PHKB: variants seen among roughly 807,000 people sequenced by gnomAD.
PHKB encodes the protein phosphorylase b kinase regulatory subunit beta.
Under a neutral mutation model 152.1 loss-of-function variants are expected in PHKB, and 122 were observed. The observed-to-expected ratio is 0.80, with a 90% CI of 0.69 to 0.93. PHKB has a LOEUF of 0.93. Ranked by LOEUF, PHKB falls within the 40% of genes least tolerant of loss-of-function variation. The pLI, the probability that PHKB is intolerant of heterozygous loss-of-function variation, is 0.00. For synonymous variants in PHKB, 436 were observed against 464.9 expected (o/e 0.94, Z 0.80); for missense variants, 1,304 against 1,328.4 (o/e 0.98, Z 0.29).
At chr16:47,603,484 TG>T (rs1972269670) in intron 13 of PHKB, among the ~76,000 whole-genome samples, 2 of 152,002 alleles carry the variant, frequency 1.3e-5, no homozygotes, top group African/African-American at 4.8e-5. Flanking sequence ...TTTAGCTTTA[TG>T]TATAAATAAC....
intron 7 of PHKB, among the ~76,000 whole-genome samples, chr16:47,573,061 T>C (rs1401849266): frequency 1.3e-5 from 2 of 152,144 alleles, no homozygotes. Context: ...CTTCAACCCT[T>C]GTGTCTTCTC....
chr16:47,553,001 A>G (rs1971301282), intron 7 of PHKB, among the ~76,000 whole-genome samples: 1 of 152,078 alleles, frequency 6.6e-6, no homozygotes, highest in Non-Finnish European at 1.5e-5. Flanking sequence ...TGAGTCTGAC[A>G]ATTATGTGTC....
chr16:47,579,197 G>A (rs1971800525), intron 7 of PHKB, among the ~76,000 whole-genome samples: 1 of 152,108 alleles, frequency 6.6e-6, no homozygotes, highest in Non-Finnish European at 1.5e-5. Flanking sequence ...TCCCATCCAT[G>A]TATCTTTAAA....
intron 9 of PHKB, 41 bp from the exon 10 acceptor site, chr16:47,588,864 C>T (rs757340361): frequency 2.6e-6 from 4 of 1,523,628 alleles, no homozygotes; most frequent in South Asian, 1.1e-5. Context: ...TTGATCACAT[C>T]GCTGTGGACA....
chr16:47,656,610 T>C (rs1373526336), intron 20 of PHKB, among the ~76,000 whole-genome samples: 1 of 152,232 alleles, frequency 6.6e-6, no homozygotes, highest in Non-Finnish European at 1.5e-5. Flanking sequence ...ATTCACTTTG[T>C]TGTGCAAACA....
chr16:47,567,305 A>G (rs1425317610), intron 7 of PHKB, among the ~76,000 whole-genome samples: 1 of 150,510 alleles, frequency 6.6e-6, no homozygotes, highest in Non-Finnish European at 1.5e-5. Flanking sequence ...CTTCGCAACT[A>G]TTGTAAATGG....
At chr16:47,511,587 T>A in intron 4 of PHKB, 78 bp from the exon 5 acceptor site, 4 of 1,072,340 alleles carry the variant, frequency 3.7e-6, no homozygotes, top group Non-Finnish European at 5.8e-6. Flanking sequence ...AAAAGTTTCA[T>A]GAAAAATAGC....
intron 14 of PHKB, 49 bp from the exon 15 acceptor site, chr16:47,640,986 T>A (rs1567337815): frequency 1.3e-6 from 2 of 1,491,998 alleles, no homozygotes; most frequent in South Asian, 1.1e-5. Flanking sequence ...TAGCTGATGA[T>A]GACCAGATCT....
chr16:47,465,539 G>A (rs368863890), intron 1 of PHKB, among the ~76,000 whole-genome samples: 4 of 152,076 alleles, frequency 2.6e-5, no homozygotes, highest in Admixed American at 1.3e-4. Context: ...GTTATAATCC[G>A]TTTTGAAGAA....
intron 4 of PHKB, among the ~76,000 whole-genome samples, chr16:47,508,685 GATTT>G (rs1204883129): frequency 6.6e-6 from 1 of 152,050 alleles, no homozygotes; most frequent in Non-Finnish European, 1.5e-5. Context: ...CATTATTCTA[GATTT>G]ATTTTAGTCT....
chr16:47,625,857 A>T (rs1479994492), intron 14 of PHKB, among the ~76,000 whole-genome samples: 1 of 152,166 alleles, frequency 6.6e-6, no homozygotes, highest in Admixed American at 6.5e-5. Flanking sequence ...CAGCTCAGAT[A>T]CCTTTTCTAT....
At chr16:47,593,122 GGA>G (rs1013175169) in intron 10 of PHKB, among the ~76,000 whole-genome samples, 7 of 146,474 alleles carry the variant, frequency 4.8e-5, no homozygotes, top group East Asian at 2.0e-4. Context: ...GGGGGGGGAG[GGA>G]GAGAGAGAGA....
chr16:47,511,201 G>A (rs1017765665), intron 4 of PHKB, among the ~76,000 whole-genome samples: 1 of 152,130 alleles, frequency 6.6e-6, no homozygotes, highest in Non-Finnish European at 1.5e-5. Flanking sequence ...ATTAAAATTT[G>A]CGACCCTTAG....
In PHKB at chr16:47,676,382, T is replaced by C. The variant is rs139268971; in HGVS notation, c.2630+6965T>C. The C allele has an allele frequency of 3.8e-4, 58 of 152,294 alleles. 1 individual carries two copies. The East Asian group carries it at 0.011, about 28-fold the overall frequency. The allele number at this position is 152,294 out of a possible 1,614,324, so 9.4% of individuals were successfully genotyped here. A position where few individuals can be genotyped will look rare whatever the true frequency, so the allele number is the denominator to read the frequency against. On this transcript the variant is annotated intron_variant, in intron 26 of 30. Coordinates refer to ENST00000323584, the MANE Select transcript of PHKB (RefSeq NM_000293.3). ...ATTGTTTCTCTCTTTTAAATGTTAA[T>C]TATGATTAAAGAGATTGATTGATTG...
chr16:47,492,254 A>G (rs925342183), intron 1 of PHKB, among the ~76,000 whole-genome samples: 1 of 152,244 alleles, frequency 6.6e-6, no homozygotes, highest in Admixed American at 6.5e-5. Flanking sequence ...GGAAAGATGG[A>G]CAAAGTACAC....
At chr16:47,678,673 C>T (rs1050889079) in intron 26 of PHKB, among the ~76,000 whole-genome samples, 19 of 151,704 alleles carry the variant, frequency 1.3e-4, no homozygotes, top group South Asian at 2.1e-4. Context: ...GATATTAGCC[C>T]TTTGTCAGAT....
At chr16:47,496,939 G>A (rs536577893) in intron 1 of PHKB, among the ~76,000 whole-genome samples, 12 of 152,204 alleles carry the variant, frequency 7.9e-5, no homozygotes, top group Non-Finnish European at 1.6e-4. Context: ...TGGCTTTGGA[G>A]TATGTGAACA....
At chr16:47,539,828 G>A (rs887932883) in intron 6 of PHKB, among the ~76,000 whole-genome samples, 1 of 152,086 alleles carries the variant, frequency 6.6e-6, no homozygotes, top group African/African-American at 2.4e-5. Context: ...GTAAGCTGAG[G>A]ACGTATGTCA....
intron 6 of PHKB, among the ~76,000 whole-genome samples, chr16:47,535,765 A>G (rs1279417307): frequency 6.6e-6 from 1 of 152,246 alleles, no homozygotes; most frequent in East Asian, 1.9e-4. Flanking sequence ...CTGTTTTGAA[A>G]GTATTTCAGA....
Sources: gnomAD v4.1 joint callset for allele counts (sites outside exome capture counted in the v4.1 genomes callset) on GRCh38, gnomAD v4.1.1 for gene constraint, MANE v1.5 for transcripts, NCBI Gene and HGNC (gene_info 2026-07-23, HGNC 2026-07-21) for gene names.